Variants in HDAC9 observed in about 807,000 individuals in gnomAD.
HDAC9 encodes histone deacetylase 9, also known as MEF-2 interacting transcription repressor (MITR) protein.
A neutral mutation model predicts 139.4 loss-of-function variants in HDAC9; 41 were observed. The observed-to-expected ratio is 0.29, with a 90% CI of 0.23 to 0.38. HDAC9 has a LOEUF of 0.38. Ranked by LOEUF, HDAC9 falls within the 10% of genes least tolerant of loss-of-function variation. The pLI is 1.00. For missense variants in HDAC9, 1,147 were observed against 1,297.0 expected (o/e 0.88, Z 1.78); for synonymous variants, 517 against 476.2 (o/e 1.09, Z -1.12).
chr7:18,142,653 C>T (rs1785990471), intron 1 of HDAC9, among the ~76,000 whole-genome samples: 1 of 152,172 alleles, frequency 6.6e-6, no homozygotes, highest in African/African-American at 2.4e-5. Context: ...CTTCCTGGGA[C>T]CAGCTCATTT....
intron 22 of HDAC9, among the ~76,000 whole-genome samples, chr7:18,887,960 G>C (rs1394162375): frequency 6.6e-6 from 1 of 152,092 alleles, no homozygotes; most frequent in Non-Finnish European, 1.5e-5. Context: ...CAGAATGATA[G>C]AAATTTAGCC....
chr7:18,590,514 C>T (rs376039295), intron 4 of HDAC9, 28 bp downstream of exon 4: 116 of 1,570,666 alleles, frequency 7.4e-5, no homozygotes, highest in Middle Eastern at 1.7e-4. Context: ...AAACGATGGA[C>T]TCTCTTTCCT....
intron 1 of HDAC9, among the ~76,000 whole-genome samples, chr7:18,353,849 A>G (rs1370769894): frequency 1.3e-5 from 2 of 152,192 alleles, no homozygotes; most frequent in East Asian, 1.9e-4. Flanking sequence ...TGTAAGGGAT[A>G]GGTTTTATAG....
chr7:18,954,038 G>A (rs983964509), intron 23 of HDAC9, 108 bp from the exon 24 acceptor site: 9 of 723,470 alleles, frequency 1.2e-5, no homozygotes, highest in African/African-American at 5.5e-5. Context: ...ACTAGTTCTC[G>A]GAGCAAGCTT....
At chr7:18,379,866 G>C (rs1411513632) in intron 1 of HDAC9, among the ~76,000 whole-genome samples, 1 of 152,136 alleles carries the variant, frequency 6.6e-6, no homozygotes, top group Non-Finnish European at 1.5e-5. Flanking sequence ...AGATGCTGCA[G>C]ATTTCCTAAA....
At chr7:18,667,787 A>G in intron 12 of HDAC9, 3 of 984,854 alleles carry the variant, frequency 3.0e-6, no homozygotes, top group Non-Finnish European at 3.6e-6. Context: ...ATAACACCAC[A>G]AGTAGGGAAA....
chr7:18,996,901 G>A lies in HDAC9; in HGVS notation c.*839G>A, dbSNP rs1303843250. On this transcript the variant is annotated 3_prime_UTR_variant, in exon 26 of 26. Transcript: ENST00000686413. ...TAGGTCTGAGCAAATGTTCCACCAA[G>A]CATTTTCAGTGTCTTTGAAAAGCAC... 2 of 152,104 alleles carry A rather than the reference G, an allele frequency of 1.3e-5. No homozygotes were observed. Among genetic ancestry groups the A allele is most frequent in the South Asian group, 4.1e-4 (2 of 4,824 alleles). The allele number at this position is 152,104 out of a possible 1,614,324, so 9.4% of individuals were successfully genotyped here.
intron 12 of HDAC9, among the ~76,000 whole-genome samples, chr7:18,709,123 T>TA (rs1775112068): frequency 6.6e-6 from 1 of 152,156 alleles, no homozygotes; most frequent in East Asian, 1.9e-4. Context: ...GCAGGTTTGT[T>TA]ACATAGGTAT....
chr7:18,917,662 C>G (rs1487807417), intron 22 of HDAC9, among the ~76,000 whole-genome samples: 1 of 151,908 alleles, frequency 6.6e-6, no homozygotes, highest in Non-Finnish European at 1.5e-5. Flanking sequence ...TTTACTGTGT[C>G]CTTTCATTGG....
intron 17 of HDAC9, among the ~76,000 whole-genome samples, chr7:18,794,980 T>A (rs562261428): frequency 8.4e-4 from 128 of 152,216 alleles, no homozygotes; most frequent in African/African-American, 2.9e-3. Context: ...GCCCACGTGT[T>A]TCAGTCATCA....
intron 1 of HDAC9, among the ~76,000 whole-genome samples, chr7:18,112,795 T>A (rs183684860): frequency 5.7e-4 from 87 of 152,318 alleles, no homozygotes; most frequent in Non-Finnish European, 1.1e-3. Context: ...ACAGTGGCTA[T>A]ATATATGGGA....
chr7:18,993,368 T>G (rs1360848258), intron 25 of HDAC9, among the ~76,000 whole-genome samples: 1 of 152,178 alleles, frequency 6.6e-6, no homozygotes, highest in Non-Finnish European at 1.5e-5. Flanking sequence ...AAATTGACAA[T>G]CTAGAGACAC....
At chr7:18,163,033 G>T (rs1451819506) in intron 2 of HDAC9, among the ~76,000 whole-genome samples, 1 of 152,150 alleles carries the variant, frequency 6.6e-6, no homozygotes, top group Non-Finnish European at 1.5e-5. Context: ...AGAATTTTCT[G>T]CTTGGATACT....
intron 1 of HDAC9, among the ~76,000 whole-genome samples, chr7:18,393,333 A>T (rs548230224): frequency 6.6e-6 from 1 of 152,214 alleles, no homozygotes; most frequent in Admixed American, 6.5e-5. Context: ...GATAATCTTG[A>T]CCAGATAGGA....
chr7:18,742,162 G>A (rs1584954961), intron 13 of HDAC9, among the ~76,000 whole-genome samples: 1 of 152,238 alleles, frequency 6.6e-6, no homozygotes, highest in South Asian at 2.1e-4. Flanking sequence ...GTCTACTATC[G>A]GTTAAATGCT....
At chr7:18,385,277 T>G (rs939883438) in intron 1 of HDAC9, among the ~76,000 whole-genome samples, 3 of 152,226 alleles carry the variant, frequency 2.0e-5, no homozygotes, top group Non-Finnish European at 4.4e-5. Context: ...TTTAAGACTG[T>G]TAATGATACT....
chr7:18,992,579 T>C (rs1786072397), intron 25 of HDAC9, among the ~76,000 whole-genome samples: 1 of 152,182 alleles, frequency 6.6e-6, no homozygotes, highest in African/African-American at 2.4e-5. Context: ...TGAGAAAATG[T>C]TTTACTACGT....
chr7:18,683,679 A>G lies in HDAC9; in HGVS notation c.1731+17203A>G, dbSNP rs561014860. Among the ~76,000 whole-genome samples the G allele has an allele frequency of 2.0e-5, 3 of 152,198 alleles. No homozygotes were observed. In the East Asian group the frequency reaches 5.8e-4, roughly 30 times the overall value. On this transcript the variant is annotated intron_variant, in intron 12 of 25. Transcript: ENST00000686413. ...AAGCGCTTGCTTACTTCTTATAGGT[A>G]TATTGAGTGAGCTGTTGTATTTTTT...
At chr7:18,656,934 G>A (rs960036807) in intron 11 of HDAC9, among the ~76,000 whole-genome samples, 1 of 151,624 alleles carries the variant, frequency 6.6e-6, no homozygotes, top group Non-Finnish European at 1.5e-5. Context: ...TTCTCCACGT[G>A]CTCACCTGCA....
Sources: allele counts gnomAD v4.1 joint callset (sites outside exome capture counted in the v4.1 genomes callset), GRCh38; gene constraint gnomAD v4.1.1; transcripts MANE v1.5; gene names NCBI Gene and HGNC (gene_info 2026-07-23, HGNC 2026-07-21).